USH2A: variants seen among roughly 807,000 people sequenced by gnomAD.
The protein encoded by USH2A is usherin.
A neutral mutation model predicts 538.9 loss-of-function variants in USH2A; 443 were observed. That is an observed-to-expected ratio of 0.82 (90% CI 0.76 to 0.89). The LOEUF is 0.89. USH2A is among the 40% of genes least tolerant of loss of function. The pLI is 0.00. For synonymous variants in USH2A, 2,413 were observed against 2,273.5 expected (o/e 1.06, Z -1.75); for missense variants, 6,633 against 6,324.8 (o/e 1.05, Z -1.65).
chr1:216,187,445 T>C (rs1314905298), intron 20 of USH2A, among the ~76,000 whole-genome samples: 1 of 151,976 alleles, frequency 6.6e-6, no homozygotes, highest in Non-Finnish European at 1.5e-5. Context: ...AATGTGAAAT[T>C]TGCTGTTTTT....
In USH2A at chr1:216,135,737, C is replaced by T. The variant is rs145094757; in HGVS notation, c.4628-38524G>A. Among the ~76,000 whole-genome samples, 658 of 152,154 alleles carry T rather than the reference C, an allele frequency of 4.3e-3. 1 individual carries two copies. The highest frequency in any genetic ancestry group is 0.015 in the African/African-American group (632 of 41,544). On this transcript the variant is annotated intron_variant, in intron 21 of 71. Coordinates refer to ENST00000307340, the MANE Select transcript of USH2A (RefSeq NM_206933.4). ...TTCAATGATGTATTCATTGCTCTCT[C>T]ATGAAGATTAAATCCTATGTGCATC...
In USH2A at chr1:215,625,665, G is replaced by T. The variant is rs1208751496; in HGVS notation, c.*116C>A. 5.3e-6 allele frequency: 5 copies of T among 945,724 alleles called. No individual in the cohort carries two copies. Among genetic ancestry groups the T allele is most frequent in the Middle Eastern group, 2.1e-4 (1 of 4,798 alleles). 58.6% of individuals were successfully genotyped at this position (945,724 alleles called of 1,614,324 possible). On this transcript the variant is annotated 3_prime_UTR_variant, in exon 72 of 72. Transcript: ENST00000307340. ...CAAAAACAGTCATCATTTCTTTAAA[G>T]AATTATAGGATAATAAACAATGGCT...
chr1:215,746,847 T>C (rs1660486368), intron 58 of USH2A, among the ~76,000 whole-genome samples: 3 of 152,186 alleles, frequency 2.0e-5, no homozygotes, highest in African/African-American at 7.2e-5. Flanking sequence ...CTGTGCCTTT[T>C]TTTGGAGTAT....
intron 3 of USH2A, among the ~76,000 whole-genome samples, chr1:216,393,179 T>A (rs1198571928): frequency 6.6e-6 from 1 of 152,210 alleles, no homozygotes; most frequent in South Asian, 2.1e-4. Flanking sequence ...CTTTTACACA[T>A]GATCTTCCAT....
At chr1:216,229,657 T>C (rs1335454915) in intron 14 of USH2A, among the ~76,000 whole-genome samples, 1 of 152,180 alleles carries the variant, frequency 6.6e-6, no homozygotes, top group East Asian at 1.9e-4. Flanking sequence ...TCTAAAAATG[T>C]AGCTTATACC....
intron 13 of USH2A, among the ~76,000 whole-genome samples, chr1:216,245,337 C>T (rs999233683): frequency 6.6e-6 from 1 of 152,092 alleles, no homozygotes; most frequent in Non-Finnish European, 1.5e-5. Context: ...TTCGAATTTT[C>T]CTCTAGAAAT....
In USH2A at chr1:215,634,659, T is replaced by C. The variant is rs1656418164; in HGVS notation, c.15097A>G (p.Lys5033Glu). ...TPGKKKGSRS[K>E]STEFYSELWF... ...AGCTCGCTGTAGAACTCTGTGCTTT[T>C]GCTCCGCGATCCCTTCTTTTTCCCA... Residue 5033 changes from lysine to glutamate, a missense_variant, in exon 70 of 72, where the codon AAA becomes GAA. Transcript: ENST00000307340. 10 of 1,614,272 alleles carry C rather than the reference T, an allele frequency of 6.2e-6. No individual in the cohort carries two copies. Among genetic ancestry groups the C allele is most frequent in the Non-Finnish European group, 8.5e-6 (10 of 1,180,052 alleles).
At chr1:215,905,728 A>T (rs1387105990) in intron 38 of USH2A, among the ~76,000 whole-genome samples, 1 of 151,998 alleles carries the variant, frequency 6.6e-6, no homozygotes, top group Non-Finnish European at 1.5e-5. Context: ...TAGGGCTCCC[A>T]CCAACTCTTC....
At chr1:215,949,089 A>G (rs1210380230) in intron 37 of USH2A, among the ~76,000 whole-genome samples, 2 of 152,094 alleles carry the variant, frequency 1.3e-5, no homozygotes, top group African/African-American at 2.4e-5. Flanking sequence ...GAAATTGCCA[A>G]CTCAGAGATT....
intron 21 of USH2A, among the ~76,000 whole-genome samples, chr1:216,131,031 G>A (rs1425340462): frequency 6.6e-6 from 1 of 151,750 alleles, no homozygotes; most frequent in Admixed American, 6.6e-5. Context: ...ACTGTGTCGT[G>A]GTTTTGATTT....
intron 3 of USH2A, among the ~76,000 whole-genome samples, chr1:216,398,002 G>T (rs1053793815): frequency 1.3e-5 from 2 of 152,076 alleles, no homozygotes; most frequent in Non-Finnish European, 2.9e-5. Context: ...AATAGACTTC[G>T]CAATATTTGA....
At chr1:215,773,403 A>G (rs1170894741) in intron 55 of USH2A, among the ~76,000 whole-genome samples, 1 of 151,988 alleles carries the variant, frequency 6.6e-6, no homozygotes, top group Non-Finnish European at 1.5e-5. Context: ...TGAGCCCTAT[A>G]TAAATCAGAC....
In USH2A at chr1:215,895,852, T is replaced by C. The variant is rs79443222; in HGVS notation, c.7594+4223A>G. Among the ~76,000 whole-genome samples, 1,360 of 152,310 alleles carry C rather than the reference T, an allele frequency of 8.9e-3. 15 individuals carry two copies. Among genetic ancestry groups the C allele is most frequent in the African/African-American group, 0.031 (1,287 of 41,556 alleles). ...TGTTCTTACACAAACCTAGATGGTA[T>C]AGCCCACTACACAGCTAGTTTGTGT... On this transcript the variant is annotated intron_variant, in intron 40 of 71. Coordinates refer to ENST00000307340, the MANE Select transcript of USH2A (RefSeq NM_206933.4).
rs114992189 is a variant in USH2A, at chr1:215,914,754, C to T, written c.7301-13849G>A. Among the ~76,000 whole-genome samples, 1,385 of 152,258 alleles carry T rather than the reference C, an allele frequency of 9.1e-3. 16 individuals are homozygous for T. Among genetic ancestry groups the T allele is most frequent in the African/African-American group, 0.032 (1,311 of 41,570 alleles). On this transcript the variant is annotated intron_variant, in intron 38 of 71. Coordinates refer to ENST00000307340, the MANE Select transcript of USH2A (RefSeq NM_206933.4). ...GCCTTCAGTTCCATCAGGGAATGCA[C>T]GCCATCTGCTCCAAAAGCCTGTTTT... is the stretch of plus-strand genomic sequence containing the variant.
intron 64 of USH2A, among the ~76,000 whole-genome samples, chr1:215,656,781 A>T (rs1167849974): frequency 6.6e-6 from 1 of 152,242 alleles, no homozygotes; most frequent in African/African-American, 2.4e-5. Context: ...AAGCATTTCA[A>T]CAATTCTGAG....
chr1:216,390,722 G>A (rs1156630718), intron 3 of USH2A, among the ~76,000 whole-genome samples: 10 of 151,834 alleles, frequency 6.6e-5, no homozygotes, highest in Non-Finnish European at 1.0e-4. Flanking sequence ...ATATTTCCTC[G>A]GTGTTCATAA....
intron 61 of USH2A, among the ~76,000 whole-genome samples, chr1:215,692,527 G>A (rs1327679089): frequency 6.6e-6 from 1 of 151,998 alleles, no homozygotes; most frequent in Non-Finnish European, 1.5e-5. Flanking sequence ...ATCTGTATAT[G>A]GCAAACTGAT....
At chr1:215,880,384 T>G (rs893126373) in intron 41 of USH2A, among the ~76,000 whole-genome samples, 54 of 152,220 alleles carry the variant, frequency 3.5e-4, no homozygotes, top group African/African-American at 1.3e-3. Context: ...TGGTAATTTA[T>G]AATTAACAAT....
chr1:215,766,752 G>A lies in USH2A; in HGVS notation c.10976C>T (p.Thr3659Ile), dbSNP rs1302921772. 6 of 1,613,512 alleles carry A rather than the reference G, an allele frequency of 3.7e-6. No homozygotes were observed. The East Asian group carries it at 1.3e-4, about 36-fold the overall frequency. The change falls in exon 56 of 72, where the codon ACA (threonine) becomes ATA (isoleucine). Residue 3659 changes from threonine to isoleucine, a missense_variant. Coordinates refer to ENST00000307340, the MANE Select transcript of USH2A (RefSeq NM_206933.4). ...AGTGCACCCAGCAGATGTACAAGCT[G>A]TAAGAGTGAAGCTGTAGTTGGTGTA... is the stretch of plus-strand genomic sequence containing the variant. ...QPYTNYSFTL[T>I]ACTSAGCTSS...
Sources: allele counts gnomAD v4.1 joint callset (sites outside exome capture counted in the v4.1 genomes callset), GRCh38; gene constraint gnomAD v4.1.1; transcripts MANE v1.5; gene names NCBI Gene and HGNC (gene_info 2026-07-23, HGNC 2026-07-21).